Variants in SCART1 observed in about 807,000 individuals in gnomAD.
The protein encoded by SCART1 is scavenger receptor cysteine-rich domain-containing protein SCART1.
A neutral mutation model predicts 36.2 loss-of-function variants in SCART1; 62 were observed. The observed-to-expected ratio is 1.71, with a 90% CI of 1.40 to 2.12. SCART1 has a LOEUF of 2.12. SCART1 is among the 30% of genes most tolerant of loss of function. The pLI is 0.00. For missense variants in SCART1, 1,041 were observed against 540.5 expected (o/e 1.93, Z -9.18); for synonymous variants, 487 against 238.7 (o/e 2.04, Z -9.59).
intron 6 of SCART1, among the ~76,000 whole-genome samples, chr10:133,460,500 T>TTTTTTTTTAA (rs1850688100): frequency 7.4e-6 from 1 of 134,708 alleles, no homozygotes; most frequent in Non-Finnish European, 1.6e-5. Flanking sequence ...TTATATATTT[T>TTTTTTTTTAA]AAAAAATATT....
At chr10:133,457,410 G>A (rs1252813723) in exon 3 of SCART1, 2 of 702,154 alleles carry the variant, frequency 2.8e-6, no homozygotes, top group Admixed American at 4.0e-5. Context: ...GTTCTGCCGG[G>A]AGCTGGGGTG....
intron 6 of SCART1, among the ~76,000 whole-genome samples, 199 bp downstream of exon 6, chr10:133,460,369 G>C (rs1850682703): frequency 6.6e-6 from 1 of 151,614 alleles, no homozygotes; most frequent in Non-Finnish European, 1.5e-5. Flanking sequence ...CACCTGGGGA[G>C]CTGGTCAGCT....
In SCART1 at chr10:133,467,172, GTGTGACCA is replaced by G; in HGVS notation, c.2807-23_2807-16del. The G allele has an allele frequency of 1.5e-6, 1 of 677,228 alleles. No individual in the cohort carries two copies. The highest frequency in any genetic ancestry group is 1.6e-5 in the South Asian group (1 of 61,584). 42.0% of individuals were successfully genotyped at this position (677,228 alleles called of 1,614,324 possible). ...GGCCACATCCACACTGAGGGCCTGT[GTGTGACCA>G]TGCTCACCTTGCCTCAGGTCTGGGA... On this transcript the variant is annotated intron_variant, in intron 10 of 11. Transcript: ENST00000640237.
intron 11 of SCART1, 143 bp downstream of exon 11, chr10:133,467,496 C>T (rs1052763452): frequency 7.4e-5 from 44 of 594,310 alleles, no homozygotes; most frequent in South Asian, 5.3e-4. Flanking sequence ...CAAAGGGACT[C>T]GTGGGCAGGG....
At chr10:133,458,770 T>A (rs1850655003) in intron 4 of SCART1, 114 bp downstream of exon 4, 1 of 672,884 alleles carries the variant, frequency 1.5e-6, no homozygotes, top group African/African-American at 1.8e-5. Flanking sequence ...TGATGTTTGC[T>A]TCTGTTGGTT....
chr10:133,465,798 A>G, intron 9 of SCART1: 1 of 695,138 alleles, frequency 1.4e-6, no homozygotes, highest in South Asian at 1.5e-5. Context: ...GTTTATTCCA[A>G]TCCTTGTTCA....
rs746226955 is a variant in SCART1 at position 133,456,391 on chromosome 10, C to T, written c.222C>T (p.Ala74=). 5.0e-5 allele frequency: 35 copies of T among 702,772 alleles called. 1 individual carries two copies. The highest frequency in any genetic ancestry group is 3.3e-4 in the South Asian group (22 of 67,584). 43.5% of individuals were successfully genotyped at this position (702,772 alleles called of 1,614,324 possible). A position where few individuals can be genotyped will look rare whatever the true frequency, so the allele number is the denominator to read the frequency against. The change falls in exon 2 of 12, where the codon GCC becomes GCT. Residue 74 remains alanine (A), a synonymous_variant. Coordinates refer to ENST00000640237, the Ensembl canonical transcript of SCART1. ...GCAGGCAGCTGGGCTGCGGCCCTGC[C>T]GTGGGCGCCCCCAAGTATGTCCCGC... is the stretch of plus-strand genomic sequence containing the variant.
Position 133,460,177 on chromosome 10 carries a change from G to GAA in SCART1, c.1969+7_1969+8insAA, listed in dbSNP as rs1850680547. 2.0e-6 allele frequency: 1 copy of GAA among 489,256 alleles called. No individual in the cohort carries two copies. The allele number at this position is 489,256 out of a possible 1,614,324, so 30.3% of individuals were successfully genotyped here. ...GCCGGCGTCTTCTGCTCAGGTGAGC[G>GAA]GCCGTTGGGTATGGAATGATCATGC... On this transcript the variant is annotated splice_region_variant and intron_variant, in intron 6 of 11. Coordinates refer to ENST00000640237, the Ensembl canonical transcript of SCART1.
intron 9 of SCART1, 43 bp from the exon 10 acceptor site, chr10:133,466,192 T>TC (rs1260659219): frequency 1.2e-5 from 8 of 691,558 alleles, no homozygotes; most frequent in Non-Finnish European, 1.8e-5. Context: ...GGTGTGCAGG[T>TC]CCCCCCCACC....
At chr10:133,457,619 C>A in intron 3 of SCART1, 44 bp downstream of exon 3, 1 of 634,246 alleles carries the variant, frequency 1.6e-6, no homozygotes, top group Admixed American at 2.6e-5. Flanking sequence ...TGGGATGATG[C>A]TGGGCCCGGA....
At chr10:133,458,305 C>A in intron 3 of SCART1, 55 bp from the exon 4 acceptor site, 1 of 702,320 alleles carries the variant, frequency 1.4e-6, no homozygotes, top group Non-Finnish European at 2.6e-6. Flanking sequence ...GGCTCAGGGC[C>A]AGGCTGTTGA....
At chr10:133,465,321 C>A in exon 9 of SCART1, 2 of 680,948 alleles carry the variant, frequency 2.9e-6, no homozygotes, top group South Asian at 3.1e-5. Flanking sequence ...GGCACGCGGG[C>A]TCCTGGGGCA....
intron 5 of SCART1, 54 bp downstream of exon 5, chr10:133,459,380 G>A: frequency 1.6e-6 from 1 of 616,410 alleles, no homozygotes; most frequent in Middle Eastern, 2.7e-4. Context: ...CATGGACAGA[G>A]GAGTGCAAGG....
At chr10:133,464,458 G>A in intron 6 of SCART1, 148 bp from the exon 7 acceptor site, 1 of 589,688 alleles carries the variant, frequency 1.7e-6, no homozygotes, top group South Asian at 2.1e-5. Flanking sequence ...TTGTGTAGTA[G>A]CTCTAGTTTA....
At position 133,464,937 on chromosome 10, in the gene SCART1, A is replaced by G. The variant is rs1029816060; in HGVS notation, c.2275+26A>G. On this transcript the variant is annotated intron_variant, in intron 7 of 11. Coordinates refer to ENST00000640237, the Ensembl canonical transcript of SCART1. ...GTCTGGATTACCTGTGCAGGTGGGC[A>G]TTAGAGGTCTCTGGGGGTGCCTGGG... 8.5e-6 allele frequency: 6 copies of G among 702,698 alleles called. No individual in the cohort carries two copies. In the Admixed American group the frequency reaches 1.2e-4, roughly 14 times the overall value. 43.5% of individuals were successfully genotyped at this position (702,698 alleles called of 1,614,324 possible).
chr10:133,460,555 T>TTTATTTATTTA (rs1180035888), intron 6 of SCART1, among the ~76,000 whole-genome samples: 2 of 18,588 alleles, frequency 1.1e-4, no homozygotes, highest in Non-Finnish European at 2.9e-4. Flanking sequence ...TTATTTATTT[T>TTTATTTATTTA]GAGACGGTCT....
rs934764878 is a variant in SCART1 at position 133,459,727 on chromosome 10, G to T, written c.1526G>T (p.Arg509Leu). The T allele has an allele frequency of 5.3e-5, 37 of 700,004 alleles. No individual in the cohort carries two copies. The Admixed American group carries it at 6.0e-4, about 11-fold the overall frequency. 43.4% of individuals were successfully genotyped at this position (700,004 alleles called of 1,614,324 possible). Residue 509 changes from arginine (R) to leucine (L), a missense_variant, in exon 6 of 12, where the codon CGC becomes CTC. Physicochemically the swap from Arg to Leu is moderately radical, Grantham distance 102 (BLOSUM62 -2). Coordinates refer to ENST00000640237, the Ensembl canonical transcript of SCART1. ...GTGCGCTGTCTGGGCACCGAAACCC[G>T]CCTGACTCAGTGCAACGTGTCCGCG...
chr10:133,465,333 CGT>C lies in SCART1; in HGVS notation c.2431_2432del (p.Cys811ArgfsTer139). 1 of 687,882 alleles carries C rather than the reference CGT, an allele frequency of 1.5e-6. No individual in the cohort carries two copies. Among genetic ancestry groups the C allele is most frequent in the Non-Finnish European group, 2.6e-6 (1 of 378,148 alleles). The allele number at this position is 687,882 out of a possible 1,614,324, so 42.6% of individuals were successfully genotyped here. ...TCTGGCACGCGGGCTCCTGGGGCAC[CGT>C]GTGCGACGATGGCTGGGACCTGGCG... is the stretch of plus-strand genomic sequence containing the variant. On this transcript the variant is annotated frameshift_variant, in exon 9 of 12. Coordinates refer to ENST00000640237, the Ensembl canonical transcript of SCART1. LOFTEE classifies it high-confidence loss of function.
chr10:133,465,092 T>TAA lies in SCART1; in HGVS notation c.2276-14_2276-13insAA, dbSNP rs1199066564. ...TGGGCACCGAAGCTCTCAGAGCTGC[T>TAA]GTTTAACCCGCAGGATTGTCAGAGG... On this transcript the variant is annotated splice_polypyrimidine_tract_variant and intron_variant, in intron 7 of 11. Transcript: ENST00000640237. 2.8e-6 allele frequency: 2 copies of TAA among 703,016 alleles called. No homozygotes were observed. The highest frequency in any genetic ancestry group is 3.0e-5 in the South Asian group (2 of 67,602). The allele number at this position is 703,016 out of a possible 1,614,324, so 43.5% of individuals were successfully genotyped here.
Sources: allele counts gnomAD v4.1 joint callset (sites outside exome capture counted in the v4.1 genomes callset), GRCh38; gene constraint gnomAD v4.1.1; transcripts MANE v1.5; gene names NCBI Gene and HGNC (gene_info 2026-07-23, HGNC 2026-07-21).